The following NKAIN3 variants were observed in gnomAD, a reference collection of about 807,000 sequenced individuals.
NKAIN3 encodes sodium/potassium-transporting ATPase subunit beta-1-interacting protein 3.
In NKAIN3, 25 loss-of-function variants were observed where a neutral mutation model predicts 30.2. That is an observed-to-expected ratio of 0.83 (90% CI 0.60 to 1.16). The LOEUF (loss-of-function observed/expected upper bound fraction) is 1.16, where lower values mean the gene tolerates loss of function less well. NKAIN3 is among the 50% of genes most tolerant of loss of function. NKAIN3 has a pLI of 0.00. For missense variants in NKAIN3, 225 were observed against 254.1 expected, an observed-to-expected ratio of 0.89 and a Z score of 0.78; for synonymous variants, 91 against 89.6, an observed-to-expected ratio of 1.02 and a Z score of -0.09.
At chr8:62,530,628 A>ATTATTTAT (rs934380168) in intron 1 of NKAIN3, among the ~76,000 whole-genome samples, 17 of 151,646 alleles carry the variant, frequency 1.1e-4, no homozygotes, top group African/African-American at 4.1e-4. Context: ...GTATTTATTT[A>ATTATTTAT]TTATTTATTT....
In NKAIN3 at chr8:62,732,659, A is replaced by G. The variant is rs144109799; in HGVS notation, c.274-14273A>G. On this transcript the variant is annotated intron_variant, in intron 3 of 6. Transcript: ENST00000623646. ...GGTGGACTTGACAATTACTACACAC[A>G]GTTCTGTTCATTTTTGTTTCCTATG... 3.0e-4 allele frequency among the ~76,000 whole-genome samples: 46 copies of G among 152,198 alleles called. 1 individual carries two copies. The East Asian group carries it at 7.1e-3, about 24-fold the overall frequency.
intron 3 of NKAIN3, among the ~76,000 whole-genome samples, chr8:62,711,146 C>T (rs1041037285): frequency 3.9e-5 from 6 of 152,004 alleles, no homozygotes; most frequent in Non-Finnish European, 8.8e-5. Context: ...TTACCTGGTA[C>T]TTCTGTCTCA....
At chr8:62,807,960 GAA>G (rs1045154074) in intron 4 of NKAIN3, among the ~76,000 whole-genome samples, 2 of 151,684 alleles carry the variant, frequency 1.3e-5, no homozygotes, top group African/African-American at 4.8e-5. Flanking sequence ...AATAAAAAAA[GAA>G]AATTATTTTC....
At chr8:62,573,031 T>C (rs1809996964) in intron 1 of NKAIN3, among the ~76,000 whole-genome samples, 3 of 152,186 alleles carry the variant, frequency 2.0e-5, no homozygotes, top group Admixed American at 2.0e-4. Flanking sequence ...TAATGATTCA[T>C]AGACTTGCAG....
chr8:62,292,434 G>T (rs2129587220), intron 1 of NKAIN3, among the ~76,000 whole-genome samples: 1 of 152,248 alleles, frequency 6.6e-6, no homozygotes, highest in South Asian at 2.1e-4. Flanking sequence ...AGGCCTGATG[G>T]TGACAAAATC....
chr8:62,333,154 A>T (rs1185110148), intron 1 of NKAIN3, among the ~76,000 whole-genome samples: 1 of 152,246 alleles, frequency 6.6e-6, no homozygotes. Context: ...CCCTTAAGAA[A>T]TTAATTTTTT....
chr8:62,634,070 A>G (rs1812051454), intron 3 of NKAIN3, among the ~76,000 whole-genome samples: 2 of 152,106 alleles, frequency 1.3e-5, no homozygotes, highest in African/African-American at 2.4e-5. Flanking sequence ...AACCAGCCCA[A>G]TTGTCTCATA....
At chr8:62,932,018 T>C (rs199805376) in intron 5 of NKAIN3, among the ~76,000 whole-genome samples, 2 of 152,232 alleles carry the variant, frequency 1.3e-5, no homozygotes, top group East Asian at 1.9e-4. Flanking sequence ...AAACTGTTCA[T>C]ATTCAAAAGC....
intron 3 of NKAIN3, among the ~76,000 whole-genome samples, chr8:62,675,128 A>G (rs2130398250): frequency 6.6e-6 from 1 of 152,314 alleles, no homozygotes; most frequent in East Asian, 1.9e-4. Context: ...AAATGAGGTT[A>G]TGAATATGTA....
At position 62,896,916 on chromosome 8, in the gene NKAIN3, A is replaced by T. The variant is rs1010702873; in HGVS notation, c.472-21537A>T. ...ATTGCAATGAATTAAGCAAGGAATGAAAAACAGAGGAGAAGAGGCAGCTGA... is the reference window on the plus strand; with the variant it reads ...ATTGCAATGAATTAAGCAAGGAATGTAAAACAGAGGAGAAGAGGCAGCTGA... On this transcript the variant is annotated intron_variant, in intron 4 of 6. Coordinates refer to ENST00000623646, the MANE Select transcript of NKAIN3 (RefSeq NM_001304533.3). 4.6e-5 allele frequency among the ~76,000 whole-genome samples: 7 copies of T among 152,364 alleles called. No homozygotes were observed. The South Asian group carries it at 1.2e-3, about 27-fold the overall frequency.
chr8:62,975,888 G>T lies in NKAIN3; in HGVS notation c.*10481G>T, dbSNP rs1165313249. Among the ~76,000 whole-genome samples the T allele has an allele frequency of 6.6e-6, 1 of 152,072 alleles. No homozygotes were observed. The highest frequency in any genetic ancestry group is 1.9e-4 in the East Asian group (1 of 5,192). ...AGAGATTCTGGTACATTGTGTCTTT[G>T]TTCTTGTTGGTTTCAAAGAACTTAT... On this transcript the variant is annotated 3_prime_UTR_variant, in exon 7 of 7. Coordinates refer to ENST00000623646, the MANE Select transcript of NKAIN3 (RefSeq NM_001304533.3).
At chr8:62,943,361 A>T (rs1823024153) in intron 5 of NKAIN3, among the ~76,000 whole-genome samples, 1 of 148,046 alleles carries the variant, frequency 6.8e-6, no homozygotes. Flanking sequence ...TCTTGCAAGA[A>T]TGGTCATAAT....
At chr8:62,494,719 G>A (rs142862158) in intron 1 of NKAIN3, among the ~76,000 whole-genome samples, 23 of 152,002 alleles carry the variant, frequency 1.5e-4, no homozygotes, top group Middle Eastern at 6.8e-3. Context: ...AATCAATTTC[G>A]TTCTGGTTCA....
chr8:62,905,754 C>T (rs1004412238), intron 4 of NKAIN3, among the ~76,000 whole-genome samples: 2 of 152,168 alleles, frequency 1.3e-5, no homozygotes, highest in African/African-American at 4.8e-5. Flanking sequence ...ACCCCTCATA[C>T]TTCTCTGGTC....
chr8:62,254,967 G>A (rs1812220083), intron 1 of NKAIN3, among the ~76,000 whole-genome samples: 1 of 152,190 alleles, frequency 6.6e-6, no homozygotes, highest in African/African-American at 2.4e-5. Context: ...GTAAATAGCA[G>A]AACACTCTGA....
At chr8:62,777,108 G>T (rs1012114424) in intron 4 of NKAIN3, among the ~76,000 whole-genome samples, 1 of 152,050 alleles carries the variant, frequency 6.6e-6, no homozygotes, top group Admixed American at 6.6e-5. Context: ...GTTTTCTTTT[G>T]CTGCTTTTAG....
At chr8:62,514,827 ATCG>A (rs1807931673) in intron 1 of NKAIN3, among the ~76,000 whole-genome samples, 1 of 152,124 alleles carries the variant, frequency 6.6e-6, no homozygotes, top group African/African-American at 2.4e-5. Flanking sequence ...TCTCTCCTGA[ATCG>A]TCAACATTCA....
chr8:62,825,070 C>G (rs1027138753), intron 4 of NKAIN3, among the ~76,000 whole-genome samples: 11 of 152,090 alleles, frequency 7.2e-5, no homozygotes, highest in Admixed American at 6.5e-4. Context: ...GCAAAGAAAG[C>G]AAAGATTTAA....
chr8:62,581,176 A>T (rs2130067687), intron 2 of NKAIN3, among the ~76,000 whole-genome samples: 1 of 150,836 alleles, frequency 6.6e-6, no homozygotes. Context: ...ATAAAAATAC[A>T]GTAGCCTCTG....
Sources: gnomAD v4.1 joint callset for allele counts (sites outside exome capture counted in the v4.1 genomes callset) on GRCh38, gnomAD v4.1.1 for gene constraint, MANE v1.5 for transcripts, NCBI Gene and HGNC (gene_info 2026-07-23, HGNC 2026-07-21) for gene names.